SEMA3E: variants seen among roughly 807,000 people sequenced by gnomAD.
SEMA3E encodes the protein semaphorin-3E.
A neutral mutation model predicts 93.6 loss-of-function variants in SEMA3E; 49 were observed. The ratio of observed to expected loss-of-function variants is 0.52; its 90% CI spans 0.42 to 0.66. The LOEUF is 0.66. SEMA3E is among the 30% of genes least tolerant of loss of function. SEMA3E has a pLI of 0.00. For missense variants in SEMA3E, 906 were observed against 964.8 expected (o/e 0.94, Z 0.81); for synonymous variants, 363 against 330.7 (o/e 1.10, Z -1.06).
At chr7:83,529,717 T>C (rs1414890420) in intron 1 of SEMA3E, among the ~76,000 whole-genome samples, 2 of 152,136 alleles carry the variant, frequency 1.3e-5, no homozygotes, top group Non-Finnish European at 2.9e-5. Context: ...TGAACTGAAA[T>C]GCTAGGTAGG....
intron 1 of SEMA3E, among the ~76,000 whole-genome samples, chr7:83,631,400 C>A (rs576457455): frequency 6.6e-6 from 1 of 152,058 alleles, no homozygotes; most frequent in Non-Finnish European, 1.5e-5. Context: ...TGTTAAACTC[C>A]TTCCAAATAC....
intron 1 of SEMA3E, among the ~76,000 whole-genome samples, chr7:83,546,689 G>A (rs1411724088): frequency 1.3e-5 from 2 of 151,942 alleles, no homozygotes; most frequent in East Asian, 3.9e-4. Context: ...GCTATCCACT[G>A]AGTCTAGACA....
chr7:83,447,560 T>G (rs2115806986), intron 4 of SEMA3E, among the ~76,000 whole-genome samples: 1 of 152,174 alleles, frequency 6.6e-6, no homozygotes, highest in South Asian at 2.1e-4. Context: ...CTACAAAGTC[T>G]ATGCAACATT....
Position 83,367,757 on chromosome 7 carries a change from A to G in SEMA3E, c.2157T>C (p.Tyr719=). ...WYKEFLQLIG[Y]SNFQRVEEYC... ...ATTCTTCCACTCTCTGGAAGTTGCT[A>G]TAACCGATCAGCTGCAAGAATTCCT... is the stretch of plus-strand genomic sequence containing the variant. The change falls in exon 17 of 17, where the codon TAT becomes TAC. Residue 719 remains tyrosine, a synonymous_variant. Coordinates refer to ENST00000643230, the MANE Select transcript of SEMA3E (RefSeq NM_012431.3). 2 of 1,614,088 alleles carry G rather than the reference A, an allele frequency of 1.2e-6. No homozygotes were observed. Among genetic ancestry groups the G allele is most frequent in the Non-Finnish European group, 1.7e-6 (2 of 1,179,996 alleles).
At chr7:83,498,289 C>T (rs1237095498) in intron 1 of SEMA3E, among the ~76,000 whole-genome samples, 1 of 152,088 alleles carries the variant, frequency 6.6e-6, no homozygotes, top group Non-Finnish European at 1.5e-5. Context: ...ATCCCTAACT[C>T]CCAAGTTGTT....
At chr7:83,518,672 T>G (rs1274797443) in intron 1 of SEMA3E, among the ~76,000 whole-genome samples, 2 of 152,250 alleles carry the variant, frequency 1.3e-5, no homozygotes, top group East Asian at 3.9e-4. Context: ...GAGGTAAAGG[T>G]GCGACAGACC....
chr7:83,514,384 C>T (rs1421877940), intron 1 of SEMA3E, among the ~76,000 whole-genome samples: 1 of 152,010 alleles, frequency 6.6e-6, no homozygotes, highest in Non-Finnish European at 1.5e-5. Context: ...CAAAGGGGTC[C>T]CGATACAGTC....
At chr7:83,558,538 C>T (rs1170556099) in intron 1 of SEMA3E, among the ~76,000 whole-genome samples, 1 of 151,900 alleles carries the variant, frequency 6.6e-6, no homozygotes, top group African/African-American at 2.4e-5. Context: ...TCAAAAAGTA[C>T]AGTTGTCAAA....
At chr7:83,478,987 TA>T (rs1222813164) in intron 2 of SEMA3E, among the ~76,000 whole-genome samples, 67 of 152,318 alleles carry the variant, frequency 4.4e-4, no homozygotes, top group African/African-American at 1.6e-3. Context: ...ACTACAATTC[TA>T]ATTATTTATG....
At chr7:83,441,917 G>A (rs1301752042) in intron 4 of SEMA3E, among the ~76,000 whole-genome samples, 1 of 152,058 alleles carries the variant, frequency 6.6e-6, no homozygotes, top group Non-Finnish European at 1.5e-5. Context: ...CTAAGATTGG[G>A]GTAATGTTCA....
chr7:83,564,069 A>C (rs1035694147), intron 1 of SEMA3E, among the ~76,000 whole-genome samples: 4 of 152,220 alleles, frequency 2.6e-5, no homozygotes, highest in African/African-American at 9.6e-5. Context: ...CGATAATGGA[A>C]ATGTAATAAA....
At chr7:83,416,290 G>T (rs1015382604) in intron 5 of SEMA3E, among the ~76,000 whole-genome samples, 1 of 152,024 alleles carries the variant, frequency 6.6e-6, no homozygotes, top group African/African-American at 2.4e-5. Context: ...CGAAATAAGC[G>T]AAACAGCCAC....
chr7:83,598,084 C>A (rs192263792), intron 1 of SEMA3E, among the ~76,000 whole-genome samples: 20 of 152,164 alleles, frequency 1.3e-4, no homozygotes, highest in East Asian at 9.7e-4. Flanking sequence ...GTTAGGTTTC[C>A]AAAGGTTCTC....
intron 1 of SEMA3E, among the ~76,000 whole-genome samples, chr7:83,542,066 G>C (rs1276022209): frequency 2.0e-5 from 3 of 152,000 alleles, no homozygotes; most frequent in African/African-American, 7.2e-5. Flanking sequence ...AGAATGGCCA[G>C]ACGCTATGGC....
chr7:83,446,937 C>T lies in SEMA3E; in HGVS notation c.456+19545G>A, dbSNP rs187536849. On this transcript the variant is annotated intron_variant, in intron 4 of 16. Coordinates refer to ENST00000643230, the MANE Select transcript of SEMA3E (RefSeq NM_012431.3). The stretch of plus-strand genomic sequence containing the variant: ...CACGGTAGCTCTATTTATTAATATT[C>T]TTATTAGAATAATTTCATTCTTACA... Among the ~76,000 whole-genome samples, 1,126 of 152,194 alleles carry T rather than the reference C, an allele frequency of 7.4e-3. 7 individuals are homozygous for T. Among genetic ancestry groups the T allele is most frequent in the Non-Finnish European group, 0.012 (798 of 68,008 alleles).
At chr7:83,393,245 G>A (rs1302723960) in intron 13 of SEMA3E, among the ~76,000 whole-genome samples, 1 of 151,870 alleles carries the variant, frequency 6.6e-6, no homozygotes, top group Non-Finnish European at 1.5e-5. Flanking sequence ...TATAGAAACG[G>A]CTGGGTTTAT....
In SEMA3E at chr7:83,545,552, G is replaced by GAAAAAAAAA. The variant is rs3068645; in HGVS notation, c.116-55287_116-55279dup. ...TAGGTCAAAACTGTTGAAGAGAAATGAAAAAAAAAAAAAAAAAGAAATAGT... is the reference window on the plus strand; with the variant it reads ...TAGGTCAAAACTGTTGAAGAGAAATGAAAAAAAAAAAAAAAAAAAAAAAAAAGAAATAGT... On this transcript the variant is annotated intron_variant, in intron 1 of 16. Coordinates refer to ENST00000643230, the MANE Select transcript of SEMA3E (RefSeq NM_012431.3). Among the ~76,000 whole-genome samples, 283 of 86,278 alleles carry GAAAAAAAAA rather than the reference G, an allele frequency of 3.3e-3. 2 individuals are homozygous for GAAAAAAAAA. Among genetic ancestry groups the GAAAAAAAAA allele is most frequent in the African/African-American group, 0.014 (271 of 19,932 alleles). The allele number at this position is 86,278 out of a possible 152,430, so 56.6% of individuals were successfully genotyped here.
At chr7:83,493,364 A>T (rs1223402740) in intron 1 of SEMA3E, among the ~76,000 whole-genome samples, 5 of 151,942 alleles carry the variant, frequency 3.3e-5, no homozygotes. Context: ...AGTGAAAAAA[A>T]ATATAATAAG....
At chr7:83,378,371 T>G (rs1360833302) in intron 16 of SEMA3E, among the ~76,000 whole-genome samples, 2 of 151,948 alleles carry the variant, frequency 1.3e-5, no homozygotes, top group Non-Finnish European at 2.9e-5. Context: ...CATCAACTAG[T>G]TGCACATTTC....
Sources: gnomAD v4.1 joint callset for allele counts (sites outside exome capture counted in the v4.1 genomes callset) on GRCh38, gnomAD v4.1.1 for gene constraint, MANE v1.5 for transcripts, NCBI Gene and HGNC (gene_info 2026-07-23, HGNC 2026-07-21) for gene names.